KANK1: variants seen among roughly 807,000 people sequenced by gnomAD.
The protein encoded by KANK1 is KN motif and ankyrin repeat domain-containing protein 1.
KANK1 carries 109 observed loss-of-function variants against 106.2 expected under a neutral mutation model. That is an observed-to-expected ratio of 1.03 (90% CI 0.88 to 1.20). The LOEUF (loss-of-function observed/expected upper bound fraction) is 1.20, where lower values mean the gene tolerates loss of function less well. Ranked by LOEUF, KANK1 falls within the 50% of genes most tolerant of loss-of-function variation. KANK1 has a pLI of 0.00. For synonymous variants in KANK1, 873 were observed against 652.2 expected, an observed-to-expected ratio of 1.34 and a Z score of -5.16; for missense variants, 2,399 against 1,710.7, an observed-to-expected ratio of 1.40 and a Z score of -7.10.
intron 2 of KANK1, among the ~76,000 whole-genome samples, chr9:686,120 T>C (rs1818491094): frequency 6.6e-6 from 1 of 152,186 alleles, no homozygotes; most frequent in South Asian, 2.1e-4. Flanking sequence ...ACCCTACTCA[T>C]GTGCATCAGC....
rs545151485 is a variant in KANK1 at position 583,191 on chromosome 9, C to G, written c.-84+78437C>G. On this transcript the variant is annotated intron_variant, in intron 1 of 11. Coordinates refer to ENST00000382297, the MANE Select transcript of KANK1 (RefSeq NM_015158.5). ...ACACAGCTGGGAATAATTCTGTTAC[C>G]AAGTCTTTTTTAGGATCAATACAGA... Among the ~76,000 whole-genome samples, 137 of 152,176 alleles carry G rather than the reference C, an allele frequency of 9.0e-4. 1 individual carries two copies. Among genetic ancestry groups the G allele is most frequent in the Admixed American group, 2.7e-3 (41 of 15,290 alleles).
intron 1 of KANK1, among the ~76,000 whole-genome samples, chr9:546,118 G>A (rs759087867): frequency 6.6e-6 from 1 of 152,112 alleles, no homozygotes; most frequent in East Asian, 1.9e-4. Context: ...CTTGGTGAGT[G>A]GACCGTGCAT....
intron 1 of KANK1, among the ~76,000 whole-genome samples, chr9:578,148 G>T (rs1821084424): frequency 6.6e-6 from 1 of 152,180 alleles, no homozygotes; most frequent in African/African-American, 2.4e-5. Context: ...TGAGCCAAAT[G>T]AGGACTCCTC....
At chr9:709,585 T>G (rs1825344532) in intron 2 of KANK1, among the ~76,000 whole-genome samples, 1 of 151,900 alleles carries the variant, frequency 6.6e-6, no homozygotes, top group South Asian at 2.1e-4. Context: ...CCAATGAAAT[T>G]ATCTACTGGA....
At chr9:670,189 G>T (rs530297019) in intron 1 of KANK1, among the ~76,000 whole-genome samples, 4 of 152,130 alleles carry the variant, frequency 2.6e-5, no homozygotes, top group Non-Finnish European at 5.9e-5. Context: ...TTCTTGGTCA[G>T]AGAGCTCATG....
At chr9:653,716 G>A (rs187539763) in intron 1 of KANK1, among the ~76,000 whole-genome samples, 1 of 152,258 alleles carries the variant, frequency 6.6e-6, no homozygotes, top group East Asian at 1.9e-4. Context: ...GGAGGTAACA[G>A]AACTGTGATC....
At chr9:588,429 T>C (rs1289890110) in intron 1 of KANK1, among the ~76,000 whole-genome samples, 3 of 152,214 alleles carry the variant, frequency 2.0e-5, no homozygotes, top group Admixed American at 1.3e-4. Context: ...TGAACAATGA[T>C]AGAATGTAGC....
chr9:693,309 T>TA, intron 2 of KANK1: 1 of 841,812 alleles, frequency 1.2e-6, no homozygotes, highest in Non-Finnish European at 1.4e-6. Flanking sequence ...GCTGCTGTGC[T>TA]ATAGCTCAAA....
In KANK1 at chr9:742,284, A is replaced by C. The variant is rs1702809619; in HGVS notation, c.3776A>C (p.Asp1259Ala). 6.2e-7 allele frequency: 1 copy of C among 1,614,106 alleles called. No individual in the cohort carries two copies. The highest frequency in any genetic ancestry group is 8.5e-7 in the Non-Finnish European group (1 of 1,180,002). The change falls in exon 10 of 12, where the codon GAT becomes GCT. Residue 1259 changes from aspartate (D) to alanine (A), a missense_variant. Coordinates refer to ENST00000382297, the MANE Select transcript of KANK1 (RefSeq NM_015158.5). ...MVKGLLACGA[D>A]VNIQDDEGST... The stretch of plus-strand genomic sequence containing the variant: ...AAGGGCCTTCTGGCCTGTGGGGCTG[A>C]TGTCAACATCCAGGATGACGAGGGC...
chr9:634,507 G>C (rs989081951), intron 1 of KANK1, among the ~76,000 whole-genome samples: 4 of 152,176 alleles, frequency 2.6e-5, no homozygotes, highest in Admixed American at 6.5e-5. Context: ...CTGGCCACCT[G>C]ACTTCTGAGC....
intron 1 of KANK1, among the ~76,000 whole-genome samples, chr9:519,011 C>T (rs1328143621): frequency 6.6e-6 from 1 of 151,612 alleles, no homozygotes; most frequent in Non-Finnish European, 1.5e-5. Context: ...CTGCCTCAGC[C>T]TCCCGAGTAG....
intron 1 of KANK1, among the ~76,000 whole-genome samples, chr9:523,396 A>G (rs1274136640): frequency 6.6e-6 from 1 of 151,696 alleles, no homozygotes; most frequent in East Asian, 1.9e-4. Flanking sequence ...CACTGCCACC[A>G]TCCTCTCTCA....
intron 2 of KANK1, among the ~76,000 whole-genome samples, chr9:700,998 T>G (rs1040657637): frequency 1.3e-5 from 2 of 152,198 alleles, no homozygotes; most frequent in Non-Finnish European, 2.9e-5. Context: ...GAATGGCTCA[T>G]TGTGGTAGAG....
intron 1 of KANK1, among the ~76,000 whole-genome samples, chr9:577,654 A>T (rs991871257): frequency 1.3e-5 from 2 of 152,160 alleles, no homozygotes; most frequent in Non-Finnish European, 2.9e-5. Flanking sequence ...CTTGACCAGA[A>T]ACAGCATCAC....
chr9:739,001 G>A (rs1023333873), intron 8 of KANK1, among the ~76,000 whole-genome samples: 4 of 152,202 alleles, frequency 2.6e-5, no homozygotes, highest in Admixed American at 2.6e-4. Flanking sequence ...ATGGTCAAAT[G>A]ATCACCATTC....
At chr9:499,795 G>A (rs1163657927), upstream of KANK1, among the ~76,000 whole-genome samples, 1 of 152,326 alleles carries the variant, frequency 6.6e-6, no homozygotes, top group East Asian at 1.9e-4. Context: ...TAAGTTTTGT[G>A]TGGCATAGGA....
intron 1 of KANK1, among the ~76,000 whole-genome samples, chr9:528,827 A>T (rs1370292488): frequency 6.6e-6 from 1 of 151,046 alleles, no homozygotes; most frequent in Non-Finnish European, 1.5e-5. Context: ...TTGAGGCAGG[A>T]TCTTATTTGT....
chr9:470,787 C>T (rs189692608), intron 2 of KANK1: 2 of 152,540 alleles, frequency 1.3e-5, no homozygotes, highest in Admixed American at 6.5e-5. Flanking sequence ...CTTTCCCTTT[C>T]CTTCCCACCA....
chr9:628,059 A>C (rs1834781545), intron 1 of KANK1, among the ~76,000 whole-genome samples: 1 of 152,200 alleles, frequency 6.6e-6, no homozygotes, highest in Non-Finnish European at 1.5e-5. Context: ...TATATAAAAC[A>C]CTTAAAATAC....
Sources: gnomAD v4.1 joint callset for allele counts (sites outside exome capture counted in the v4.1 genomes callset) on GRCh38, gnomAD v4.1.1 for gene constraint, MANE v1.5 for transcripts, NCBI Gene and HGNC (gene_info 2026-07-23, HGNC 2026-07-21) for gene names.